The following DCP2 variants were observed in gnomAD, a reference collection of about 807,000 sequenced individuals.
The protein encoded by DCP2 is decapping mRNA 2.
Under a neutral mutation model 56.1 loss-of-function variants are expected in DCP2, and 30 were observed. The observed-to-expected ratio is 0.53, with a 90% CI of 0.40 to 0.73. DCP2 has a LOEUF of 0.73. Among genes scored for constraint, DCP2 ranks in the 30% least tolerant of loss-of-function variants. The pLI is 0.00. For synonymous variants in DCP2, 197 were observed against 163.3 expected, an observed-to-expected ratio of 1.21 and a Z score of -1.57; for missense variants, 533 against 502.7, an observed-to-expected ratio of 1.06 and a Z score of -0.58.
chr5:112,992,802 T>G (rs1748653087), intron 4 of DCP2, 32 bp downstream of exon 4: 2 of 1,529,014 alleles, frequency 1.3e-6, no homozygotes, highest in African/African-American at 2.9e-5. Flanking sequence ...CACAGTAAAT[T>G]TGGCTATTAG....
At chr5:112,980,665 G>C (rs1747963599) in intron 1 of DCP2, among the ~76,000 whole-genome samples, 1 of 152,070 alleles carries the variant, frequency 6.6e-6, no homozygotes, top group South Asian at 2.1e-4. Context: ...ATAAACTTAA[G>C]TCAACTTTTT....
At chr5:112,990,795 T>G (rs1748551554) in intron 2 of DCP2, among the ~76,000 whole-genome samples, 1 of 137,904 alleles carries the variant, frequency 7.3e-6, no homozygotes, top group South Asian at 2.1e-4. Context: ...GAGGACCTAT[T>G]TCATTTGTAC....
At chr5:112,978,310 A>G (rs1204711403) in intron 1 of DCP2, among the ~76,000 whole-genome samples, 1 of 152,020 alleles carries the variant, frequency 6.6e-6, no homozygotes, top group South Asian at 2.1e-4. Context: ...CTACCTTTAC[A>G]TGTATTGTTT....
chr5:113,005,822 A>G (rs1011088990), intron 8 of DCP2, among the ~76,000 whole-genome samples: 4 of 152,248 alleles, frequency 2.6e-5, no homozygotes, highest in Non-Finnish European at 5.9e-5. Context: ...ATTCAGCTTT[A>G]AAGGAATGAA....
At chr5:112,981,118 C>T (rs1298364018) in intron 1 of DCP2, among the ~76,000 whole-genome samples, 1 of 152,108 alleles carries the variant, frequency 6.6e-6, no homozygotes, top group East Asian at 1.9e-4. Context: ...AAGCTATCCA[C>T]TTGGCTCAGC....
chr5:112,990,494 T>A (rs185117079), intron 2 of DCP2, among the ~76,000 whole-genome samples: 1 of 152,224 alleles, frequency 6.6e-6, no homozygotes, highest in Non-Finnish European at 1.5e-5. Context: ...CAGGCCCTTA[T>A]AGAACCATAG....
At chr5:112,996,429 TTACA>T (rs1373716368) in intron 4 of DCP2, among the ~76,000 whole-genome samples, 10 of 152,372 alleles carry the variant, frequency 6.6e-5, no homozygotes, top group African/African-American at 2.2e-4. Flanking sequence ...TGCATTTAAG[TTACA>T]TACATTTAAG....
chr5:112,997,603 TTTTC>T (rs1279982677), intron 4 of DCP2, among the ~76,000 whole-genome samples: 5 of 151,672 alleles, frequency 3.3e-5, no homozygotes, highest in Non-Finnish European at 5.9e-5. Flanking sequence ...CACTTTTTCT[TTTTC>T]TTTTTCTTTT....
chr5:112,984,935 TGAAACTTG>T (rs1371247636), intron 1 of DCP2, among the ~76,000 whole-genome samples: 2 of 151,594 alleles, frequency 1.3e-5, no homozygotes, highest in South Asian at 4.1e-4. Context: ...TATGCTTATT[TGAAACTTG>T]GAAACAGCCA....
Position 112,976,884 on chromosome 5 carries a change from C to T in DCP2, c.-50C>T, listed in dbSNP as rs1412764824. The stretch of plus-strand genomic sequence containing the variant: ...GGAGTCCTAGTGCCGTACCGTCAGT[C>T]CCCGGCCGCGCGGAGCCGGGATGCA... On this transcript the variant is annotated 5_prime_UTR_variant, in exon 1 of 11. Coordinates refer to ENST00000389063, the MANE Select transcript of DCP2 (RefSeq NM_152624.6). 3 of 1,593,252 alleles carry T rather than the reference C, an allele frequency of 1.9e-6. No homozygotes were observed. The highest frequency in any genetic ancestry group is 2.6e-6 in the Non-Finnish European group (3 of 1,161,036).
chr5:112,986,484 G>A (rs886766471), intron 2 of DCP2, among the ~76,000 whole-genome samples: 2 of 151,740 alleles, frequency 1.3e-5, no homozygotes, highest in South Asian at 2.1e-4. Context: ...ACAGGCATGC[G>A]CTACCATTCC....
At position 112,985,905 on chromosome 5, in the gene DCP2, G is replaced by C. The variant is rs553370185; in HGVS notation, c.124G>C (p.Ala42Pro). ...CCGAGTGTGTTTTCAGATTGAACTT[G>C]CCCATTGGTTTTACTTGGATTTCTA... ...AIRVCFQIEL[A>P]HWFYLDFYMQ... Residue 42 changes from alanine (A) to proline (P), a missense_variant, in exon 2 of 11, where the codon GCC (alanine) becomes CCC (proline). By Grantham distance (27) the Ala-to-Pro change is conservative. Around this residue, in one of 3 missense-constraint regions of DCP2, gnomAD observed 137 missense variants for 138.2 expected, o/e 0.99. Transcript: ENST00000389063. 1.2e-6 allele frequency: 2 copies of C among 1,610,690 alleles called. No homozygotes were observed. Among genetic ancestry groups the C allele is most frequent in the South Asian group, 1.1e-5 (1 of 90,844 alleles).
chr5:112,991,065 G>A (rs1271901197), intron 2 of DCP2, among the ~76,000 whole-genome samples: 1 of 151,962 alleles, frequency 6.6e-6, no homozygotes, highest in African/African-American at 2.4e-5. Context: ...TTGTAGATTA[G>A]CTTTATTTCT....
Position 113,019,975 on chromosome 5 carries a change from T to G in DCP2, c.*6491T>G, listed in dbSNP as rs1750038288. The stretch of plus-strand genomic sequence containing the variant: ...TGGGAAAGTGGTAAGACTTGACTTT[T>G]TAATACTGTGCCTATTTCCAAAAGA... On this transcript the variant is annotated 3_prime_UTR_variant, in exon 11 of 11. Transcript: ENST00000389063. 1 of 152,204 alleles carries G rather than the reference T, an allele frequency of 6.6e-6. No homozygotes were observed. Among genetic ancestry groups the G allele is most frequent in the African/African-American group, 2.4e-5 (1 of 41,468 alleles). The allele number at this position is 152,204 out of a possible 1,614,324, so 9.4% of individuals were successfully genotyped here. A position where few individuals can be genotyped will look rare whatever the true frequency, so the allele number is the denominator to read the frequency against.
rs1750117739 is a variant in DCP2, at chr5:113,021,379, A to AAAC, written c.*7899_*7901dup. On this transcript the variant is annotated 3_prime_UTR_variant, in exon 11 of 11. Coordinates refer to ENST00000389063, the MANE Select transcript of DCP2 (RefSeq NM_152624.6). ...CAAGACTCTGTCTGGAAAAAACAAA[A>AAAC]AACAACCAAAAAAAAAAAAAAAAAA... Among the ~76,000 whole-genome samples the AAAC allele has an allele frequency of 7.5e-6, 1 of 133,922 alleles. No homozygotes were observed. The highest frequency in any genetic ancestry group is 1.6e-5 in the Non-Finnish European group (1 of 63,884). The allele number at this position is 133,922 out of a possible 152,430, so 87.9% of individuals were successfully genotyped here.
chr5:112,981,611 G>A (rs918592215), intron 1 of DCP2, among the ~76,000 whole-genome samples: 6 of 152,088 alleles, frequency 3.9e-5, no homozygotes, highest in East Asian at 1.9e-4. Flanking sequence ...CTTTTCCATC[G>A]GGGCATAGTC....
chr5:112,980,177 T>G (rs1747932274), intron 1 of DCP2, among the ~76,000 whole-genome samples: 1 of 152,232 alleles, frequency 6.6e-6, no homozygotes, highest in African/African-American at 2.4e-5. Flanking sequence ...ACTAGCTTAT[T>G]AAAGAATTGA....
chr5:113,013,190 T>A, intron 10 of DCP2, 131 bp from the exon 11 acceptor site: 1 of 844,756 alleles, frequency 1.2e-6, no homozygotes, highest in Non-Finnish European at 1.7e-6. Context: ...TTGGTGGTTC[T>A]GTTTAGGGTT....
At chr5:112,992,824 ATTTT>A in intron 4 of DCP2, 54 bp downstream of exon 4, 1 of 1,397,772 alleles carries the variant, frequency 7.2e-7, no homozygotes, top group African/African-American at 1.5e-5. Context: ...GTCTGAATGT[ATTTT>A]TTTTAGCCAT....
Sources: gnomAD v4.1 joint callset for allele counts (sites outside exome capture counted in the v4.1 genomes callset) on GRCh38, gnomAD v4.1.1 for gene constraint, gnomAD v4.1.1 regional missense constraint, MANE v1.5 for transcripts, NCBI Gene and HGNC (gene_info 2026-07-23, HGNC 2026-07-21) for gene names.